The following VAT1L variants were observed in gnomAD, a reference collection of about 807,000 sequenced individuals.
VAT1L encodes the protein putative NADPH-dependent quinone oxidoreductase VAT1L.
A neutral mutation model predicts 44.1 loss-of-function variants in VAT1L; 34 were observed. The observed-to-expected ratio is 0.77, with a 90% CI of 0.59 to 1.03. VAT1L has a LOEUF of 1.03. VAT1L is among the 50% of genes least tolerant of loss of function. The probability of loss-of-function intolerance (pLI) is 0.00; values close to 1 mark genes in which losing one functional copy is unlikely to be tolerated. For synonymous variants in VAT1L, 253 were observed against 202.2 expected (o/e 1.25, Z -2.13); for missense variants, 615 against 538.8 (o/e 1.14, Z -1.40).
intron 5 of VAT1L, among the ~76,000 whole-genome samples, chr16:77,876,735 C>A (rs565257064): frequency 6.6e-6 from 1 of 152,180 alleles, no homozygotes; most frequent in East Asian, 1.9e-4. Flanking sequence ...ATGACTAGAA[C>A]CACTAAGGGA....
intron 3 of VAT1L, among the ~76,000 whole-genome samples, 191 bp from the exon 4 acceptor site, chr16:77,862,557 A>G (rs868507271): frequency 1.3e-5 from 2 of 149,190 alleles, no homozygotes; most frequent in East Asian, 2.0e-4. Flanking sequence ...TAGAGGTTGC[A>G]GTGAGCCGAG....
At chr16:77,865,231 C>G (rs2016960933) in intron 4 of VAT1L, among the ~76,000 whole-genome samples, 1 of 152,036 alleles carries the variant, frequency 6.6e-6, no homozygotes, top group South Asian at 2.1e-4. Context: ...TCTTGGCCTC[C>G]CAAAGTGCTG....
In VAT1L at chr16:77,840,240, C is replaced by G. The variant is rs143729736; in HGVS notation, c.579+14779C>G. Among the ~76,000 whole-genome samples the G allele has an allele frequency of 5.1e-3, 783 of 152,262 alleles. 10 individuals are homozygous for G. Among genetic ancestry groups the G allele is most frequent in the African/African-American group, 0.018 (735 of 41,560 alleles). ...ACGTTTTAGTGTTTGCTCATAAAAG[C>G]AAATGGGCAGTCCAGCATATTAGGT... is the stretch of plus-strand genomic sequence containing the variant. On this transcript the variant is annotated intron_variant, in intron 3 of 8. Coordinates refer to ENST00000302536, the MANE Select transcript of VAT1L (RefSeq NM_020927.3).
intron 3 of VAT1L, among the ~76,000 whole-genome samples, chr16:77,850,483 T>C (rs1051085462): frequency 2.0e-5 from 3 of 152,128 alleles, no homozygotes; most frequent in Admixed American, 6.5e-5. Context: ...GACTTAATAT[T>C]AGGATGACTA....
At chr16:77,888,857 T>C (rs931348044) in intron 7 of VAT1L, among the ~76,000 whole-genome samples, 2 of 152,220 alleles carry the variant, frequency 1.3e-5, no homozygotes, top group Non-Finnish European at 2.9e-5. Context: ...TCTACGTTCC[T>C]GTAGCAAGAT....
chr16:77,839,063 G>C (rs1179663575), intron 3 of VAT1L, among the ~76,000 whole-genome samples: 3 of 152,102 alleles, frequency 2.0e-5, no homozygotes, highest in African/African-American at 4.8e-5. Flanking sequence ...GATGGCAGTG[G>C]TAATTGGTAC....
intron 3 of VAT1L, among the ~76,000 whole-genome samples, chr16:77,858,217 G>A (rs150951033): frequency 1.2e-3 from 182 of 152,202 alleles, no homozygotes; most frequent in Non-Finnish European, 2.2e-3. Context: ...CACAAAAGGG[G>A]GCAACCAACT....
intron 4 of VAT1L, among the ~76,000 whole-genome samples, chr16:77,872,862 T>C (rs2017046867): frequency 1.3e-5 from 2 of 152,324 alleles, no homozygotes; most frequent in South Asian, 4.1e-4. Context: ...GTGCCTAGCA[T>C]GTAGTAAACA....
intron 2 of VAT1L, among the ~76,000 whole-genome samples, chr16:77,824,992 G>A (rs1369819209): frequency 6.8e-6 from 1 of 147,690 alleles, no homozygotes; most frequent in Non-Finnish European, 1.5e-5. Flanking sequence ...TCAGCCTCCT[G>A]AATAGCTGGG....
At position 77,884,102 on chromosome 16, in the gene VAT1L, G is replaced by A. The variant is rs946662565; in HGVS notation, c.883-506G>A. ...CTCTCTCTCCCACTTAGACCTGAGC[G>A]TCTCATAAGCATCAATGTCTATTGC... On this transcript the variant is annotated intron_variant, in intron 6 of 8. Coordinates refer to ENST00000302536, the MANE Select transcript of VAT1L (RefSeq NM_020927.3). This position sits in a 1 kb window ranked among gnomAD's most constrained non-coding sequence, Gnocchi z 4.5. Among the ~76,000 whole-genome samples, 5 of 152,114 alleles carry A rather than the reference G, an allele frequency of 3.3e-5. No individual in the cohort carries two copies. Among genetic ancestry groups the A allele is most frequent in the African/African-American group, 4.8e-5 (2 of 41,414 alleles).
intron 7 of VAT1L, among the ~76,000 whole-genome samples, chr16:77,943,590 G>C (rs192302014): frequency 2.0e-5 from 3 of 152,008 alleles, no homozygotes; most frequent in Admixed American, 6.6e-5. Context: ...TTTTAGTAGA[G>C]ATGGGGTTTC....
chr16:77,938,376 T>G (rs1398221988), intron 7 of VAT1L, among the ~76,000 whole-genome samples: 1 of 152,248 alleles, frequency 6.6e-6, no homozygotes, highest in Admixed American at 6.5e-5. Flanking sequence ...ATCTGTTTTC[T>G]AGAACTTATA....
At chr16:77,811,426 AT>A (rs1315842240) in intron 1 of VAT1L, among the ~76,000 whole-genome samples, 2 of 152,220 alleles carry the variant, frequency 1.3e-5, no homozygotes, top group Non-Finnish European at 2.9e-5. Context: ...CCAAAAAAAA[AT>A]TCCAAACGAT....
At chr16:77,839,005 C>G (rs2016672022) in intron 3 of VAT1L, among the ~76,000 whole-genome samples, 1 of 152,106 alleles carries the variant, frequency 6.6e-6, no homozygotes, top group Non-Finnish European at 1.5e-5. Context: ...CTGAAGCCTG[C>G]AGTCCTGTGG....
chr16:77,795,865 G>A (rs1421407037), intron 1 of VAT1L, among the ~76,000 whole-genome samples: 8 of 123,404 alleles, frequency 6.5e-5, no homozygotes, highest in Middle Eastern at 4.8e-3. Context: ...TTGCACTGTC[G>A]CCCAGGCTGG....
At chr16:77,799,364 A>G (rs967283988) in intron 1 of VAT1L, among the ~76,000 whole-genome samples, 4 of 146,460 alleles carry the variant, frequency 2.7e-5, no homozygotes, top group Admixed American at 1.4e-4. Flanking sequence ...TTTCCTCTCC[A>G]CTGCCTCCCT....
chr16:77,807,639 C>A (rs1012478506), intron 1 of VAT1L, among the ~76,000 whole-genome samples: 6 of 152,166 alleles, frequency 3.9e-5, no homozygotes, highest in African/African-American at 9.7e-5. Context: ...TCCCAGGGAA[C>A]CTGACCTATG....
At chr16:77,789,470 G>C (rs1340812176) in intron 1 of VAT1L, among the ~76,000 whole-genome samples, 1 of 152,144 alleles carries the variant, frequency 6.6e-6, no homozygotes, top group African/African-American at 2.4e-5. Flanking sequence ...CCGGGAATTT[G>C]ATACATGATC....
intron 7 of VAT1L, among the ~76,000 whole-genome samples, chr16:77,918,353 T>G (rs146775604): frequency 6.6e-6 from 1 of 152,304 alleles, no homozygotes; most frequent in Non-Finnish European, 1.5e-5. Context: ...TAGAAAGTTC[T>G]CCTCAGCAGG....
Sources: gnomAD v4.1 joint callset for allele counts (sites outside exome capture counted in the v4.1 genomes callset) on GRCh38, gnomAD v4.1.1 for gene constraint, Gnocchi (gnomAD v3.1) non-coding constraint, MANE v1.5 for transcripts, NCBI Gene and HGNC (gene_info 2026-07-23, HGNC 2026-07-21) for gene names.